The following NRG3 variants were observed in gnomAD, a reference collection of about 807,000 sequenced individuals.
The protein encoded by NRG3 is pro-neuregulin-3, membrane-bound isoform.
A neutral mutation model predicts 66.9 loss-of-function variants in NRG3; 31 were observed. The ratio of observed to expected loss-of-function variants is 0.46; its 90% CI spans 0.35 to 0.63. The LOEUF (loss-of-function observed/expected upper bound fraction) is 0.63, where lower values mean the gene tolerates loss of function less well. Among genes scored for constraint, NRG3 ranks in the 20% least tolerant of loss-of-function variants. NRG3 has a pLI of 0.00. For synonymous variants in NRG3, 393 were observed against 359.4 expected (o/e 1.09, Z -1.06); for missense variants, 910 against 878.9 (o/e 1.04, Z -0.45).
chr10:82,045,502 T>C (rs1205599888), intron 1 of NRG3, among the ~76,000 whole-genome samples: 47 of 50,234 alleles, frequency 9.4e-4, no homozygotes, highest in African/African-American at 2.0e-3. Flanking sequence ...GAGAATTTTC[T>C]CCCATTTTGT....
rs564501036 is a variant in NRG3, at chr10:82,861,585, C to T, written c.1028-3826C>T. 4.1e-4 allele frequency among the ~76,000 whole-genome samples: 63 copies of T among 152,272 alleles called. 1 individual carries two copies. In the South Asian group the frequency reaches 5.2e-3, roughly 13 times the overall value. ...GCACAATCTACAGATTCACAAAGCCCGATGCTCCATATCCCTTGTCACATC... is the reference window on the plus strand; with the variant it reads ...GCACAATCTACAGATTCACAAAGCCTGATGCTCCATATCCCTTGTCACATC... On this transcript the variant is annotated intron_variant, in intron 3 of 8. Transcript: ENST00000372141.
chr10:82,014,030 T>C (rs1028127357), intron 1 of NRG3, among the ~76,000 whole-genome samples: 1 of 152,166 alleles, frequency 6.6e-6, no homozygotes, highest in Non-Finnish European at 1.5e-5. Flanking sequence ...ATATACAGGA[T>C]AGTACATGCT....
chr10:82,545,136 A>G (rs1251523582), intron 2 of NRG3, among the ~76,000 whole-genome samples: 2 of 152,172 alleles, frequency 1.3e-5, no homozygotes, highest in African/African-American at 4.8e-5. Flanking sequence ...AAATGGAAAT[A>G]GTTAAATCAT....
intron 1 of NRG3, among the ~76,000 whole-genome samples, chr10:82,021,783 AGTATGTGTGTGTGTGTGTGTGT>A (rs1334756516): frequency 6.1e-5 from 9 of 146,434 alleles, no homozygotes; most frequent in African/African-American, 1.8e-4. Flanking sequence ...TTGGGCATGT[AGTATGTGTGTGTGTGTGTGTGT>A]GTGTGTGTGT....
At chr10:81,878,093 A>T in intron 1 of NRG3, 1 of 1,530,238 alleles carries the variant, frequency 6.5e-7, no homozygotes, top group Non-Finnish European at 8.7e-7. Context: ...AGAAAAGCCC[A>T]AGGTAATTAT....
At chr10:82,543,539 C>G (rs2043690971) in intron 2 of NRG3, among the ~76,000 whole-genome samples, 1 of 152,068 alleles carries the variant, frequency 6.6e-6, no homozygotes, top group Non-Finnish European at 1.5e-5. Context: ...TTTTTGAACT[C>G]ATATTAATTC....
chr10:82,364,569 T>A (rs11193960), intron 2 of NRG3, among the ~76,000 whole-genome samples: 2 of 151,942 alleles, frequency 1.3e-5, no homozygotes, highest in African/African-American at 4.8e-5. Flanking sequence ...AGGTAGCCAC[T>A]GTAATTGAAA....
chr10:82,186,501 C>G (rs1234019348), intron 1 of NRG3, among the ~76,000 whole-genome samples: 2 of 152,156 alleles, frequency 1.3e-5, no homozygotes, highest in African/African-American at 4.8e-5. Flanking sequence ...GAATTTTAAC[C>G]TGAGCCTGAC....
At chr10:82,000,399 A>G (rs2133668670) in intron 1 of NRG3, among the ~76,000 whole-genome samples, 1 of 151,974 alleles carries the variant, frequency 6.6e-6, no homozygotes, top group East Asian at 1.9e-4. Flanking sequence ...GTCATTTTGG[A>G]GTTGTGAGCC....
intron 6 of NRG3, among the ~76,000 whole-genome samples, chr10:82,970,147 A>C (rs1363179710): frequency 6.6e-6 from 1 of 152,180 alleles, no homozygotes. Flanking sequence ...CAATTATGGA[A>C]ATTTGCATGA....
At chr10:82,581,154 G>T (rs983958407) in intron 2 of NRG3, among the ~76,000 whole-genome samples, 2 of 151,836 alleles carry the variant, frequency 1.3e-5, no homozygotes, top group Non-Finnish European at 2.9e-5. Context: ...GTGTATAGTG[G>T]TATCTCATTT....
At chr10:81,942,147 C>T (rs554251594) in intron 1 of NRG3, among the ~76,000 whole-genome samples, 1 of 152,096 alleles carries the variant, frequency 6.6e-6, no homozygotes, top group East Asian at 1.9e-4. Flanking sequence ...TAGAATTTCC[C>T]TGAGATTAGT....
intron 1 of NRG3, among the ~76,000 whole-genome samples, chr10:81,951,256 C>T (rs1363663077): frequency 6.6e-6 from 1 of 152,168 alleles, no homozygotes; most frequent in African/African-American, 2.4e-5. Flanking sequence ...TCAGGCAGGA[C>T]TGAGAGAAGC....
intron 1 of NRG3, among the ~76,000 whole-genome samples, chr10:82,263,956 A>C (rs2078165823): frequency 6.6e-6 from 1 of 152,180 alleles, no homozygotes; most frequent in African/African-American, 2.4e-5. Context: ...AATGAGTCAA[A>C]GTTAACTCAG....
intron 2 of NRG3, among the ~76,000 whole-genome samples, chr10:82,655,409 CAG>C (rs1383007577): frequency 6.6e-6 from 1 of 151,984 alleles, no homozygotes; most frequent in Non-Finnish European, 1.5e-5. Flanking sequence ...GTACATGAAA[CAG>C]ATTATGCAAA....
intron 3 of NRG3, among the ~76,000 whole-genome samples, chr10:82,777,325 G>A (rs2059948383): frequency 6.6e-6 from 1 of 152,140 alleles, no homozygotes; most frequent in East Asian, 1.9e-4. Context: ...ACAGTAGAGA[G>A]ACTCAGCTGA....
At chr10:82,359,580 G>A (rs950317364) in intron 2 of NRG3, among the ~76,000 whole-genome samples, 2 of 152,122 alleles carry the variant, frequency 1.3e-5, no homozygotes, top group Admixed American at 6.5e-5. Flanking sequence ...AGACACTGTG[G>A]CTTTAAGACT....
intron 1 of NRG3, among the ~76,000 whole-genome samples, chr10:81,888,192 C>T (rs1413742923): frequency 6.6e-6 from 1 of 152,042 alleles, no homozygotes; most frequent in Non-Finnish European, 1.5e-5. Context: ...TCTCAGGATC[C>T]CCTCTTAGTG....
chr10:82,639,202 G>C (rs192703657), intron 2 of NRG3, among the ~76,000 whole-genome samples: 1 of 152,298 alleles, frequency 6.6e-6, no homozygotes, highest in African/African-American at 2.4e-5. Flanking sequence ...GCTCACAGTT[G>C]TGGAGGTTGG....
Sources: allele counts gnomAD v4.1 joint callset (sites outside exome capture counted in the v4.1 genomes callset), GRCh38; gene constraint gnomAD v4.1.1; transcripts MANE v1.5; gene names NCBI Gene and HGNC (gene_info 2026-07-23, HGNC 2026-07-21).